The following TMEM132C variants were observed in gnomAD, a reference collection of about 807,000 sequenced individuals.
The protein encoded by TMEM132C is transmembrane protein 132C, also known as protein phosphatase 1, regulatory subunit 152.
TMEM132C carries 29 observed loss-of-function variants against 61.4 expected under a neutral mutation model. The observed-to-expected ratio is 0.47, with a 90% CI of 0.35 to 0.64. The LOEUF (loss-of-function observed/expected upper bound fraction) is 0.64. Ranked by LOEUF, TMEM132C falls within the 30% of genes least tolerant of loss-of-function variation. The pLI is 0.00. For missense variants in TMEM132C, 1,408 were observed against 1,476.9 expected (o/e 0.95, Z 0.76); for synonymous variants, 656 against 633.1 (o/e 1.04, Z -0.54).
At position 128,500,568 on chromosome 12, in the gene TMEM132C, A is replaced by G. The variant is rs1164021624; in HGVS notation, c.975-43389A>G. 2.0e-5 allele frequency among the ~76,000 whole-genome samples: 3 copies of G among 152,202 alleles called. No individual in the cohort carries two copies. In the East Asian group the frequency reaches 5.8e-4, roughly 29 times the overall value. On this transcript the variant is annotated intron_variant, in intron 2 of 8. Transcript: ENST00000435159. ...GACATTTCTCCAAAGAAGGTACACA[A>G]ATGTCCAATATGTATACAAAATGGT...
At chr12:128,702,927 G>A (rs1013566399) in intron 8 of TMEM132C, among the ~76,000 whole-genome samples, 1 of 152,128 alleles carries the variant, frequency 6.6e-6, no homozygotes. Flanking sequence ...CTGGTTTGCT[G>A]TGAAAAAGGC....
intron 2 of TMEM132C, among the ~76,000 whole-genome samples, chr12:128,534,566 T>C (rs1301005633): frequency 4.6e-5 from 7 of 152,368 alleles, no homozygotes; most frequent in African/African-American, 1.7e-4. Flanking sequence ...GCAGCCTGGC[T>C]GAGCGGGGTT....
intron 3 of TMEM132C, among the ~76,000 whole-genome samples, chr12:128,571,522 C>T (rs920405877): frequency 6.6e-6 from 1 of 152,164 alleles, no homozygotes; most frequent in East Asian, 1.9e-4. Flanking sequence ...TTATCTTCAA[C>T]GGAAGCTCCG....
intron 2 of TMEM132C, among the ~76,000 whole-genome samples, chr12:128,418,858 C>T (rs999178994): frequency 1.3e-5 from 2 of 152,094 alleles, no homozygotes; most frequent in African/African-American, 2.4e-5. Context: ...TTTTAGTGTC[C>T]GTTAGGAAAA....
rs114539817 is a variant in TMEM132C at position 128,488,010 on chromosome 12, C to G, written c.975-55947C>G. ...CCACTGACCACACACACAGTGGTGT[C>G]CTGATCAGTATTTAGCCACTGGCTC... On this transcript the variant is annotated intron_variant, in intron 2 of 8. Transcript: ENST00000435159. Among the ~76,000 whole-genome samples, 1,139 of 152,302 alleles carry G rather than the reference C, an allele frequency of 7.5e-3. 14 individuals carry two copies. The highest frequency in any genetic ancestry group is 0.026 in the African/African-American group (1,084 of 41,560).
At chr12:128,280,315 G>A (rs1025026786) in intron 1 of TMEM132C, among the ~76,000 whole-genome samples, 8 of 152,078 alleles carry the variant, frequency 5.3e-5, no homozygotes, top group Admixed American at 2.6e-4. Context: ...TTTTCAAGTC[G>A]CCGACTTTAT....
intron 1 of TMEM132C, among the ~76,000 whole-genome samples, chr12:128,367,325 A>T (rs921078973): frequency 1.3e-5 from 2 of 152,216 alleles, no homozygotes; most frequent in Admixed American, 1.3e-4. Flanking sequence ...TTTCTTCCAG[A>T]TGCTAAATAC....
chr12:128,344,510 G>A (rs760533844), intron 1 of TMEM132C, among the ~76,000 whole-genome samples: 25 of 152,148 alleles, frequency 1.6e-4, no homozygotes, highest in African/African-American at 3.4e-4. Context: ...TTGCTGTGTC[G>A]TGAGGTAACT....
In TMEM132C at chr12:128,465,821, C is replaced by T. The variant is rs1047116081; in HGVS notation, c.974+50201C>T. On this transcript the variant is annotated intron_variant, in intron 2 of 8. Transcript: ENST00000435159. ...TGCTAGGCTCTCAGCTGTGGTTCTGCGGCACCGGGTGCTCAGTTAGCCGGT... is the reference window on the plus strand; with the variant it reads ...TGCTAGGCTCTCAGCTGTGGTTCTGTGGCACCGGGTGCTCAGTTAGCCGGT... Among the ~76,000 whole-genome samples the T allele has an allele frequency of 3.9e-5, 6 of 152,132 alleles. No homozygotes were observed. The East Asian group carries it at 5.8e-4, about 15-fold the overall frequency.
chr12:128,662,329 G>T (rs1349427140), intron 4 of TMEM132C, among the ~76,000 whole-genome samples: 1 of 152,108 alleles, frequency 6.6e-6, no homozygotes, highest in East Asian at 1.9e-4. Flanking sequence ...AGTCAACTTG[G>T]ACTTTGTTCC....
chr12:128,321,153 T>A (rs1431310861), intron 1 of TMEM132C, among the ~76,000 whole-genome samples: 20 of 147,874 alleles, frequency 1.4e-4, no homozygotes, highest in African/African-American at 3.9e-4. Flanking sequence ...ATAATAATAA[T>A]AATAATAATA....
At chr12:128,550,917 T>C (rs1012617355) in intron 3 of TMEM132C, among the ~76,000 whole-genome samples, 2 of 152,138 alleles carry the variant, frequency 1.3e-5, no homozygotes, top group Non-Finnish European at 2.9e-5. Context: ...AGGTGTGGAA[T>C]ACGAAAGCTC....
intron 3 of TMEM132C, among the ~76,000 whole-genome samples, chr12:128,561,630 C>G (rs566648715): frequency 6.6e-6 from 1 of 152,196 alleles, no homozygotes; most frequent in Admixed American, 6.5e-5. Flanking sequence ...AGAAAAGATG[C>G]ATGCCAAAAA....
At chr12:128,615,672 A>G (rs113314635) in intron 3 of TMEM132C, among the ~76,000 whole-genome samples, 25 of 152,224 alleles carry the variant, frequency 1.6e-4, no homozygotes, top group African/African-American at 5.3e-4. Context: ...CTATAAATAG[A>G]GATGGAGCTT....
chr12:128,453,163 C>T (rs1400761265), intron 2 of TMEM132C, among the ~76,000 whole-genome samples: 2 of 152,296 alleles, frequency 1.3e-5, no homozygotes, highest in South Asian at 4.1e-4. Flanking sequence ...TTGCCTGACT[C>T]CGTTTTCTAG....
intron 3 of TMEM132C, among the ~76,000 whole-genome samples, chr12:128,605,875 G>C (rs1876406347): frequency 1.3e-5 from 2 of 152,186 alleles, no homozygotes; most frequent in Non-Finnish European, 2.9e-5. Flanking sequence ...TCATTTGTGG[G>C]GTCTTTAGAG....
At chr12:128,443,177 A>G (rs1342420854) in intron 2 of TMEM132C, among the ~76,000 whole-genome samples, 1 of 152,204 alleles carries the variant, frequency 6.6e-6, no homozygotes. Flanking sequence ...AAGCAAAAGC[A>G]AAACATTTAC....
intron 2 of TMEM132C, among the ~76,000 whole-genome samples, chr12:128,520,459 T>G (rs1472055813): frequency 6.6e-6 from 1 of 152,192 alleles, no homozygotes; most frequent in African/African-American, 2.4e-5. Context: ...TGGTTCACCC[T>G]TCCACTGGCT....
intron 1 of TMEM132C, among the ~76,000 whole-genome samples, chr12:128,271,267 T>A (rs376285913): frequency 7.0e-6 from 1 of 143,032 alleles, no homozygotes. Context: ...ATAATAATAA[T>A]ATAATAATAA....
Sources: gnomAD v4.1 joint callset for allele counts (sites outside exome capture counted in the v4.1 genomes callset) on GRCh38, gnomAD v4.1.1 for gene constraint, MANE v1.5 for transcripts, NCBI Gene and HGNC (gene_info 2026-07-23, HGNC 2026-07-21) for gene names.